KCNN2: variants seen among roughly 807,000 people sequenced by gnomAD.
KCNN2 encodes the protein potassium calcium-activated channel subfamily N member 2, also known as small conductance calcium-activated potassium channel protein 2.
KCNN2 carries 24 observed loss-of-function variants against 55.5 expected under a neutral mutation model. That is an observed-to-expected ratio of 0.43 (90% CI 0.31 to 0.61). KCNN2 has a LOEUF of 0.61. Ranked by LOEUF, KCNN2 falls within the 20% of genes least tolerant of loss-of-function variation. KCNN2 has a pLI of 0.08. For missense variants in KCNN2, 754 were observed against 853.6 expected, an observed-to-expected ratio of 0.88 and a Z score of 1.45; for synonymous variants, 431 against 336.1, an observed-to-expected ratio of 1.28 and a Z score of -3.09.
intron 2 of KCNN2, among the ~76,000 whole-genome samples, chr5:114,306,035 G>C (rs1289500087): frequency 3.3e-5 from 5 of 152,242 alleles, no homozygotes; most frequent in African/African-American, 1.2e-4. Flanking sequence ...AATATTCTTT[G>C]GTATGTCAAG....
At chr5:114,322,847 G>C (rs1236478120) in intron 2 of KCNN2, among the ~76,000 whole-genome samples, 1 of 152,118 alleles carries the variant, frequency 6.6e-6, no homozygotes, top group Non-Finnish European at 1.5e-5. Context: ...TACATGTAAA[G>C]GTGTGTTACA....
At chr5:114,416,755 A>G (rs189385973) in intron 3 of KCNN2, among the ~76,000 whole-genome samples, 254 of 152,344 alleles carry the variant, frequency 1.7e-3, no homozygotes, top group Admixed American at 2.7e-3. Context: ...GATATAATTT[A>G]AAAATAAGAT....
chr5:114,094,991 A>G (rs1685225468), intron 1 of KCNN2, among the ~76,000 whole-genome samples: 1 of 152,026 alleles, frequency 6.6e-6, no homozygotes, highest in Non-Finnish European at 1.5e-5. Context: ...GTTCTTTACT[A>G]CTGCTTTAAA....
chr5:114,235,646 G>C (rs1754476052), intron 2 of KCNN2, among the ~76,000 whole-genome samples: 1 of 152,174 alleles, frequency 6.6e-6, no homozygotes. Context: ...TTTAAGAAAG[G>C]AGATAGGAGT....
At chr5:114,326,062 T>A (rs557874828) in intron 2 of KCNN2, among the ~76,000 whole-genome samples, 2 of 152,188 alleles carry the variant, frequency 1.3e-5, no homozygotes, top group East Asian at 3.9e-4. Context: ...TTCTGCCAAA[T>A]GAATTATGAA....
At chr5:114,443,298 GAAAC>G (rs1024156307) in intron 3 of KCNN2, among the ~76,000 whole-genome samples, 2 of 143,284 alleles carry the variant, frequency 1.4e-5, no homozygotes, top group Admixed American at 6.9e-5. Context: ...CAAAAAAAAA[GAAAC>G]AAAGAAAAAA....
intron 2 of KCNN2, among the ~76,000 whole-genome samples, chr5:114,279,841 T>C (rs1755584109): frequency 6.6e-6 from 1 of 152,200 alleles, no homozygotes; most frequent in Non-Finnish European, 1.5e-5. Context: ...GGCCAAATGG[T>C]ATTTCTAGTT....
intron 6 of KCNN2, among the ~76,000 whole-genome samples, chr5:114,489,908 C>G (rs1171236616): frequency 1.3e-5 from 2 of 152,168 alleles, no homozygotes; most frequent in African/African-American, 4.8e-5. Flanking sequence ...GCCTCTCCTA[C>G]TCTCTGATTT....
chr5:114,248,920 G>C (rs1027331417), intron 2 of KCNN2, among the ~76,000 whole-genome samples: 2 of 152,192 alleles, frequency 1.3e-5, no homozygotes, highest in Non-Finnish European at 2.9e-5. Context: ...TCTTGAGGGT[G>C]TGAAAGGGGC....
At chr5:114,394,417 A>G (rs1348963876) in intron 2 of KCNN2, among the ~76,000 whole-genome samples, 1 of 152,148 alleles carries the variant, frequency 6.6e-6, no homozygotes, top group African/African-American at 2.4e-5. Context: ...ACGTTTTCCC[A>G]TGGTTTGGTC....
At chr5:114,358,790 T>C (rs1757347779), upstream of KCNN2, among the ~76,000 whole-genome samples, 2 of 152,198 alleles carry the variant, frequency 1.3e-5, no homozygotes, top group African/African-American at 4.8e-5. Flanking sequence ...TAACTTTACA[T>C]GTTACATGTA....
At chr5:114,242,688 C>T (rs1754669127) in intron 2 of KCNN2, among the ~76,000 whole-genome samples, 1 of 152,094 alleles carries the variant, frequency 6.6e-6, no homozygotes, top group Non-Finnish European at 1.5e-5. Context: ...GCAAATCGAT[C>T]TCTAGGTATT....
chr5:114,493,119 A>C (rs997929842), intron 6 of KCNN2, among the ~76,000 whole-genome samples: 19 of 152,044 alleles, frequency 1.2e-4, no homozygotes, highest in Admixed American at 7.9e-4. Context: ...TTTTTCTCAT[A>C]TGGTTAAATC....
intron 2 of KCNN2, among the ~76,000 whole-genome samples, chr5:114,260,153 C>G (rs961140217): frequency 6.6e-6 from 1 of 152,206 alleles, no homozygotes; most frequent in African/African-American, 2.4e-5. Context: ...CAGCTCCTGA[C>G]TGTCCTTTCT....
chr5:114,216,281 T>C (rs529755016), intron 1 of KCNN2, among the ~76,000 whole-genome samples: 2 of 152,262 alleles, frequency 1.3e-5, no homozygotes, highest in South Asian at 2.1e-4. Context: ...GGTATTTACA[T>C]TGGACTAACG....
At chr5:114,148,412 A>C (rs1418727784) in intron 1 of KCNN2, among the ~76,000 whole-genome samples, 6 of 152,172 alleles carry the variant, frequency 3.9e-5, no homozygotes, top group Non-Finnish European at 8.8e-5. Flanking sequence ...GTAGTAAATC[A>C]TTAACAATTT....
intron 2 of KCNN2, among the ~76,000 whole-genome samples, chr5:114,369,034 G>A (rs13168891): frequency 0.27 from 40,490 of 151,890 alleles, 6,248 homozygotes; most frequent in Non-Finnish European, 0.35. Context: ...AATCTATTTA[G>A]AGTATATACA....
At chr5:114,367,154 A>G (rs1196417473) in intron 2 of KCNN2, among the ~76,000 whole-genome samples, 4 of 152,194 alleles carry the variant, frequency 2.6e-5, no homozygotes, top group Non-Finnish European at 5.9e-5. Context: ...CTGGCAAAAC[A>G]AGATGGTTCA....
At chr5:114,461,964 G>A (rs2150114103) in intron 3 of KCNN2, among the ~76,000 whole-genome samples, 1 of 152,324 alleles carries the variant, frequency 6.6e-6, no homozygotes, top group African/African-American at 2.4e-5. Flanking sequence ...AGCCCTCTGA[G>A]TGGTATCTGA....
Sources: allele counts gnomAD v4.1 joint callset (sites outside exome capture counted in the v4.1 genomes callset), GRCh38; gene constraint gnomAD v4.1.1; transcripts MANE v1.5; gene names NCBI Gene and HGNC (gene_info 2026-07-23, HGNC 2026-07-21).